Variants in USP28 observed in about 807,000 individuals in gnomAD.
USP28 encodes ubiquitin specific peptidase 28, also known as ubiquitin carboxyl-terminal hydrolase 28.
USP28 carries 113 observed loss-of-function variants against 145.0 expected under a neutral mutation model. The observed-to-expected ratio is 0.78, with a 90% CI of 0.67 to 0.91. The LOEUF is 0.91. Ranked by LOEUF, USP28 falls within the 40% of genes least tolerant of loss-of-function variation. The probability of loss-of-function intolerance (pLI) is 0.00; values close to 1 mark genes in which losing one functional copy is unlikely to be tolerated. For missense variants in USP28, 1,201 were observed against 1,289.6 expected (o/e 0.93, Z 1.05); for synonymous variants, 447 against 450.9 (o/e 0.99, Z 0.11).
At chr11:113,819,157 G>C (rs1942217766) in intron 12 of USP28, among the ~76,000 whole-genome samples, 1 of 150,528 alleles carries the variant, frequency 6.6e-6, no homozygotes, top group Non-Finnish European at 1.5e-5. Context: ...TTGTCACCCA[G>C]GCTGGAGTGC....
intron 24 of USP28, among the ~76,000 whole-genome samples, chr11:113,799,674 GA>G (rs1938582646): frequency 1.3e-5 from 2 of 152,116 alleles, no homozygotes; most frequent in Non-Finnish European, 2.9e-5. Context: ...AAAATACAAG[GA>G]AGTAGATATG....
chr11:113,804,791 G>A (rs758010494), intron 20 of USP28, 40 bp from the exon 22 acceptor site: 3 of 1,611,996 alleles, frequency 1.9e-6, no homozygotes, highest in Non-Finnish European at 1.7e-6. Context: ...AAAAGGCACA[G>A]GGCAAAACTT....
In USP28 at chr11:113,853,892, A is replaced by AAGT. The variant is rs397805789; in HGVS notation, c.135+365_135+366insACT. ...AGACTCCATCTCAAAAAAAAAAAAA[A>AAGT]GTATATATATATACATACCTTAAGA... is the stretch of plus-strand genomic sequence containing the variant. On this transcript the variant is annotated intron_variant, in intron 2 of 24. Transcript: ENST00000003302. Among the ~76,000 whole-genome samples the AAGT allele has an allele frequency of 2.8e-3, 413 of 149,128 alleles. 4 individuals carry two copies. Among genetic ancestry groups the AAGT allele is most frequent in the African/African-American group, 0.01 (400 of 39,528 alleles).
At chr11:113,838,515 A>G (rs955469727) in intron 5 of USP28, among the ~76,000 whole-genome samples, 3 of 152,084 alleles carry the variant, frequency 2.0e-5, no homozygotes, top group African/African-American at 7.2e-5. Flanking sequence ...GCTATTTGCT[A>G]TTTGTCAGAC....
In USP28 at chr11:113,817,872, A is replaced by G. The variant is rs748429585; in HGVS notation, c.1284-35T>C. 1.5e-5 allele frequency: 24 copies of G among 1,602,618 alleles called. No homozygotes were observed. The Admixed American group carries it at 1.5e-4, about 10-fold the overall frequency. On this transcript the variant is annotated intron_variant, in intron 12 of 24. Transcript: ENST00000003302. The stretch of plus-strand genomic sequence containing the variant: ...AAAGACAGTGGTACTCTACTGCCCA[A>G]GGCTGTTTTGTATTTTAAGAGTCGC...
At chr11:113,828,931 A>G in intron 10 of USP28, 1 of 595,700 alleles carries the variant, frequency 1.7e-6, no homozygotes, top group Non-Finnish European at 3.1e-6. Flanking sequence ...CTTCAACAGA[A>G]AGAGAGAAAC....
chr11:113,801,535 G>A, exon 24 of USP28: 2 of 1,607,550 alleles, frequency 1.2e-6, no homozygotes, highest in Non-Finnish European at 1.7e-6. Flanking sequence ...TGACCTCAAT[G>A]GCATCCAGAT....
At chr11:113,815,193 C>A in exon 14 of USP28, 1 of 1,614,104 alleles carries the variant, frequency 6.2e-7, no homozygotes, top group Non-Finnish European at 8.5e-7. Flanking sequence ...CTTGTTCAAT[C>A]TCACTCCTCC....
chr11:113,842,586 GAAAA>G (rs752642622), intron 3 of USP28, among the ~76,000 whole-genome samples: 2 of 77,958 alleles, frequency 2.6e-5, no homozygotes, highest in Non-Finnish European at 5.4e-5. Flanking sequence ...CTCCGTCTCA[GAAAA>G]AAAAAAAAAG....
chr11:113,820,672 A>G (rs1942464999), intron 12 of USP28, among the ~76,000 whole-genome samples: 2 of 152,216 alleles, frequency 1.3e-5, no homozygotes. Flanking sequence ...ACTTAACCAG[A>G]CACAGGACAT....
chr11:113,836,142 T>G (rs1944544423), intron 5 of USP28, among the ~76,000 whole-genome samples: 1 of 152,120 alleles, frequency 6.6e-6, no homozygotes. Flanking sequence ...TATTCACATC[T>G]CCCAATTTAT....
At chr11:113,801,819 T>C (rs922679550) in intron 23 of USP28, 141 bp from the exon 25 acceptor site, 1 of 592,284 alleles carries the variant, frequency 1.7e-6, no homozygotes, top group Non-Finnish European at 2.7e-6. Context: ...TGATGCCTGG[T>C]TCCCACTTCT....
intron 1 of USP28, among the ~76,000 whole-genome samples, chr11:113,859,912 C>G (rs1947472343): frequency 6.6e-6 from 1 of 152,022 alleles, no homozygotes; most frequent in Non-Finnish European, 1.5e-5. Flanking sequence ...CAGGCAAACA[C>G]AAACCTTTAC....
intron 14 of USP28, 110 bp downstream of exon 14, chr11:113,815,064 A>C: frequency 1.0e-6 from 1 of 968,612 alleles, no homozygotes; most frequent in East Asian, 2.6e-5. Flanking sequence ...CGGGGGGGAA[A>C]TTCTGTAGCA....
chr11:113,811,802 A>T (rs1356419010), intron 16 of USP28, among the ~76,000 whole-genome samples: 4 of 152,222 alleles, frequency 2.6e-5, no homozygotes, highest in African/African-American at 7.2e-5. Context: ...AAACAACAAC[A>T]ACTAGAGAAT....
chr11:113,832,100 T>A, intron 7 of USP28, 107 bp from the exon 8 acceptor site: 1 of 938,306 alleles, frequency 1.1e-6, no homozygotes, highest in Non-Finnish European at 1.6e-6. Flanking sequence ...ATAAAAGCAT[T>A]TCTTTTTTTC....
chr11:113,846,728 C>T (rs1455059282), intron 3 of USP28, among the ~76,000 whole-genome samples: 2 of 152,182 alleles, frequency 1.3e-5, no homozygotes, highest in Non-Finnish European at 2.9e-5. Context: ...CTGTGGCTCA[C>T]ATCTGTAATC....
At chr11:113,871,488 T>C (rs1242979843) in intron 1 of USP28, among the ~76,000 whole-genome samples, 1 of 152,228 alleles carries the variant, frequency 6.6e-6, no homozygotes, top group Non-Finnish European at 1.5e-5. Context: ...TTAGCAGCAT[T>C]CCCGGCTTCT....
chr11:113,802,894 C>G (rs1939293049), intron 23 of USP28, among the ~76,000 whole-genome samples: 1 of 152,098 alleles, frequency 6.6e-6, no homozygotes, highest in African/African-American at 2.4e-5. Flanking sequence ...GTGATAAAAT[C>G]TATAATGCAG....
Sources: allele counts gnomAD v4.1 joint callset (sites outside exome capture counted in the v4.1 genomes callset), GRCh38; gene constraint gnomAD v4.1.1; transcripts MANE v1.5; gene names NCBI Gene and HGNC (gene_info 2026-07-23, HGNC 2026-07-21).